Variants in CCDC68 observed in about 807,000 individuals in gnomAD.
CCDC68 encodes coiled-coil domain-containing protein 68.
Under a neutral mutation model 47.1 loss-of-function variants are expected in CCDC68, and 45 were observed. That is an observed-to-expected ratio of 0.96 (90% CI 0.75 to 1.23). The LOEUF is 1.23. CCDC68 is among the 50% of genes most tolerant of loss of function. The pLI is 0.00. For missense variants in CCDC68, 353 were observed against 373.6 expected, an observed-to-expected ratio of 0.94 and a Z score of 0.45; for synonymous variants, 131 against 129.5, an observed-to-expected ratio of 1.01 and a Z score of -0.08.
chr18:54,937,848 T>C, intron 5 of CCDC68, 109 bp downstream of exon 5: 1 of 824,694 alleles, frequency 1.2e-6, no homozygotes, highest in Admixed American at 3.1e-5. Flanking sequence ...GATGGACCTA[T>C]GGATGTGTGT....
chr18:54,929,272 G>A (rs112953017), intron 7 of CCDC68, among the ~76,000 whole-genome samples: 6 of 152,032 alleles, frequency 3.9e-5, no homozygotes, highest in Non-Finnish European at 7.3e-5. Flanking sequence ...TGACTTGTTG[G>A]TATCCAAGGA....
intron 6 of CCDC68, among the ~76,000 whole-genome samples, chr18:54,936,234 A>AAAAAATATATAGTTATATATATTT (rs1262540834): frequency 3.9e-5 from 3 of 76,260 alleles, no homozygotes; most frequent in African/African-American, 2.2e-4. Flanking sequence ...ATATATTTTT[A>AAAAAATATATAGTTATATATATTT]AAAAATATAT....
intron 10 of CCDC68, among the ~76,000 whole-genome samples, chr18:54,913,144 G>C (rs1914465352): frequency 6.6e-6 from 1 of 152,172 alleles, no homozygotes; most frequent in Non-Finnish European, 1.5e-5. Flanking sequence ...TTTTAAACAG[G>C]CTGCTTAACT....
At chr18:54,951,644 G>A (rs983955290) in intron 1 of CCDC68, among the ~76,000 whole-genome samples, 1 of 152,126 alleles carries the variant, frequency 6.6e-6, no homozygotes, top group Admixed American at 6.5e-5. Flanking sequence ...AACTTCTTGG[G>A]CCCAAGATAG....
At chr18:54,916,672 T>A (rs1427899308) in intron 10 of CCDC68, among the ~76,000 whole-genome samples, 1 of 152,106 alleles carries the variant, frequency 6.6e-6, no homozygotes, top group Non-Finnish European at 1.5e-5. Context: ...AGCTCCAACC[T>A]TGGCAGGGGC....
intron 10 of CCDC68, among the ~76,000 whole-genome samples, chr18:54,916,365 A>G (rs2043953254): frequency 6.6e-6 from 1 of 152,190 alleles, no homozygotes; most frequent in Non-Finnish European, 1.5e-5. Context: ...CATGTAAAAA[A>G]CTATTATTAT....
At chr18:54,952,675 C>T (rs369319396) in intron 1 of CCDC68, among the ~76,000 whole-genome samples, 2 of 152,272 alleles carry the variant, frequency 1.3e-5, no homozygotes, top group East Asian at 3.9e-4. Flanking sequence ...CCAAACACTG[C>T]AAACAAGTCA....
intron 8 of CCDC68, among the ~76,000 whole-genome samples, chr18:54,922,399 C>T (rs1036771218): frequency 1.3e-4 from 20 of 151,926 alleles, no homozygotes; most frequent in Admixed American, 6.6e-5. Flanking sequence ...TTCAGAAGTC[C>T]GGGGAGATTG....
At chr18:54,954,438 C>G (rs542239878) in intron 1 of CCDC68, 3 of 152,146 alleles carry the variant, frequency 2.0e-5, no homozygotes, top group Non-Finnish European at 2.9e-5. Flanking sequence ...AGCATCCTAC[C>G]AAAATCCAGG....
chr18:54,927,655 C>A (rs1182639303), intron 8 of CCDC68, among the ~76,000 whole-genome samples: 1 of 152,214 alleles, frequency 6.6e-6, no homozygotes, highest in Non-Finnish European at 1.5e-5. Flanking sequence ...CCTTCAATCT[C>A]TACAGAAATG....
At chr18:54,946,132 A>G (rs1459682268) in intron 1 of CCDC68, among the ~76,000 whole-genome samples, 2 of 152,248 alleles carry the variant, frequency 1.3e-5, no homozygotes, top group Admixed American at 1.3e-4. Context: ...AAAGGAGAAC[A>G]TTTCAAGACA....
rs370115623 is a variant in CCDC68, at chr18:54,904,434, G to T, written c.951-19C>A. 2 of 1,602,638 alleles carry T rather than the reference G, an allele frequency of 1.2e-6. No individual in the cohort carries two copies. Among genetic ancestry groups the T allele is most frequent in the Non-Finnish European group, 1.7e-6 (2 of 1,170,048 alleles). ...CAATTCACTGTAGAAAAGACAACACGATGATCAAAATGGAGAATGTTAAAC... is the reference window on the plus strand; with the variant it reads ...CAATTCACTGTAGAAAAGACAACACTATGATCAAAATGGAGAATGTTAAAC... On this transcript the variant is annotated intron_variant, in intron 11 of 11. Transcript: ENST00000591504.
chr18:54,904,437 G>A, intron 11 of CCDC68, 22 bp from the exon 12 acceptor site: 2 of 1,593,324 alleles, frequency 1.3e-6, no homozygotes, highest in Non-Finnish European at 1.7e-6. Flanking sequence ...ACAACACGAT[G>A]ATCAAAATGG....
At chr18:54,917,331 A>G (rs2043970284) in intron 10 of CCDC68, among the ~76,000 whole-genome samples, 1 of 152,164 alleles carries the variant, frequency 6.6e-6, no homozygotes, top group Non-Finnish European at 1.5e-5. Context: ...AGGATCATGC[A>G]TGGGAACCAA....
chr18:54,924,924 G>T (rs563798451), intron 8 of CCDC68, among the ~76,000 whole-genome samples: 1 of 152,248 alleles, frequency 6.6e-6, no homozygotes, highest in African/African-American at 2.4e-5. Flanking sequence ...AATTGTGTTG[G>T]CATCATGCTA....
chr18:54,925,669 G>A lies in CCDC68; in HGVS notation c.683+3131C>T, dbSNP rs530161803. Among the ~76,000 whole-genome samples the A allele has an allele frequency of 1.8e-3, 269 of 152,328 alleles. 1 individual carries two copies. The highest frequency in any genetic ancestry group is 2.2e-3 in the Non-Finnish European group (153 of 68,024). ...AGATAGTGAGATTAGTGGCATCGTA[G>A]AGCTTCTCTGAAGCTATAAAAGAAT... On this transcript the variant is annotated intron_variant, in intron 8 of 11. Transcript: ENST00000591504.
At chr18:54,908,027 T>C (rs1456233413) in intron 10 of CCDC68, among the ~76,000 whole-genome samples, 165 bp from the exon 11 acceptor site, 1 of 152,222 alleles carries the variant, frequency 6.6e-6, no homozygotes, top group Non-Finnish European at 1.5e-5. Flanking sequence ...TCACTAAATA[T>C]TATCTCTGAA....
intron 7 of CCDC68, among the ~76,000 whole-genome samples, chr18:54,931,392 T>C (rs2145509653): frequency 6.6e-6 from 1 of 152,298 alleles, no homozygotes; most frequent in South Asian, 2.1e-4. Flanking sequence ...CAGCTCCAGG[T>C]TTCCCTCACC....
intron 11 of CCDC68, among the ~76,000 whole-genome samples, chr18:54,906,312 G>A (rs1054006694): frequency 6.6e-6 from 1 of 151,936 alleles, no homozygotes; most frequent in Non-Finnish European, 1.5e-5. Context: ...CCCCCATTTG[G>A]CCTTTCCCAA....
Sources: allele counts gnomAD v4.1 joint callset (sites outside exome capture counted in the v4.1 genomes callset), GRCh38; gene constraint gnomAD v4.1.1; transcripts MANE v1.5; gene names NCBI Gene and HGNC (gene_info 2026-07-23, HGNC 2026-07-21).